The following HS3ST4 variants were observed in gnomAD, a reference collection of about 807,000 sequenced individuals.
HS3ST4 encodes heparan sulfate-glucosamine 3-sulfotransferase 4.
HS3ST4 carries 17 observed loss-of-function variants against 29.2 expected under a neutral mutation model. The ratio of observed to expected loss-of-function variants is 0.58; its 90% CI spans 0.40 to 0.87. The LOEUF (loss-of-function observed/expected upper bound fraction) is 0.87, where lower values mean the gene tolerates loss of function less well. Among genes scored for constraint, HS3ST4 ranks in the 40% least tolerant of loss-of-function variants. HS3ST4 has a pLI of 0.00. For synonymous variants in HS3ST4, 314 were observed against 285.7 expected, an observed-to-expected ratio of 1.10 and a Z score of -1.00; for missense variants, 627 against 634.5, an observed-to-expected ratio of 0.99 and a Z score of 0.13.
chr16:25,718,412 G>A (rs1966472148), intron 1 of HS3ST4, among the ~76,000 whole-genome samples: 1 of 152,040 alleles, frequency 6.6e-6, no homozygotes. Flanking sequence ...GCAAGGATAG[G>A]GTGTCGGAGC....
At chr16:25,944,407 G>T (rs1412432660) in intron 1 of HS3ST4, among the ~76,000 whole-genome samples, 1 of 152,236 alleles carries the variant, frequency 6.6e-6, no homozygotes, top group African/African-American at 2.4e-5. Context: ...CCTGCACATG[G>T]TTGGGGTTGG....
chr16:25,697,132 A>G (rs1255028295), intron 1 of HS3ST4, among the ~76,000 whole-genome samples: 3 of 152,258 alleles, frequency 2.0e-5, no homozygotes, highest in South Asian at 2.1e-4. Context: ...TTTAAAAAAT[A>G]TCTACCATAT....
chr16:25,762,584 C>T (rs543684971), intron 1 of HS3ST4, among the ~76,000 whole-genome samples: 4 of 152,114 alleles, frequency 2.6e-5, no homozygotes, highest in African/African-American at 9.6e-5. Flanking sequence ...GGCATGGTGG[C>T]TCACACCTGC....
chr16:25,936,536 C>G (rs1161186634), intron 1 of HS3ST4, among the ~76,000 whole-genome samples: 1 of 152,170 alleles, frequency 6.6e-6, no homozygotes, highest in Non-Finnish European at 1.5e-5. Context: ...AAAATAAGAT[C>G]TAAGAAGTGT....
At chr16:25,812,579 T>C (rs1401783061) in intron 1 of HS3ST4, among the ~76,000 whole-genome samples, 2 of 152,204 alleles carry the variant, frequency 1.3e-5, no homozygotes, top group Non-Finnish European at 2.9e-5. Context: ...TAAAAATATA[T>C]TAGTAAGAAC....
rs117026270 is a variant in HS3ST4 at position 25,790,606 on chromosome 16, T to A, written c.734+97455T>A. Among the ~76,000 whole-genome samples the A allele has an allele frequency of 2.7e-4, 41 of 152,346 alleles. No homozygotes were observed. In the East Asian group the frequency reaches 4.6e-3, roughly 17 times the overall value. ...CTTTTCCAGTGGTTGTAGTATATCA[T>A]GTGGTTTTAATTTGCATTTCTCTGA... is the stretch of plus-strand genomic sequence containing the variant. On this transcript the variant is annotated intron_variant, in intron 1 of 1. Transcript: ENST00000331351.
chr16:25,735,872 G>A (rs1004215463), intron 1 of HS3ST4, among the ~76,000 whole-genome samples: 3 of 152,188 alleles, frequency 2.0e-5, no homozygotes, highest in African/African-American at 7.2e-5. Flanking sequence ...GCATCAGCCT[G>A]CCTCAGACAA....
At chr16:25,855,463 AAT>A (rs1369607977) in intron 1 of HS3ST4, among the ~76,000 whole-genome samples, 2 of 152,224 alleles carry the variant, frequency 1.3e-5, no homozygotes, top group Admixed American at 6.5e-5. Flanking sequence ...ATGTCAAAGA[AAT>A]ATGTTTTAGA....
Position 26,038,733 on chromosome 16 carries a change from G to A in HS3ST4, c.735-96879G>A, listed in dbSNP as rs1304688953. 2.0e-5 allele frequency among the ~76,000 whole-genome samples: 3 copies of A among 152,060 alleles called. No homozygotes were observed. In the East Asian group the frequency reaches 5.8e-4, roughly 29 times the overall value. On this transcript the variant is annotated intron_variant, in intron 1 of 1. Coordinates refer to ENST00000331351, the MANE Select transcript of HS3ST4 (RefSeq NM_006040.3). Reference sequence around the variant, plus strand: ...CTGGCTCTCAAAATTGTCCAGGCTGGAGTGCAGTGGTGCGATCTCGGCTCA... The same window carrying A: ...CTGGCTCTCAAAATTGTCCAGGCTGAAGTGCAGTGGTGCGATCTCGGCTCA...
At chr16:25,885,596 G>A (rs1283284320) in intron 1 of HS3ST4, among the ~76,000 whole-genome samples, 2 of 151,942 alleles carry the variant, frequency 1.3e-5, no homozygotes, top group Admixed American at 1.3e-4. Flanking sequence ...AACCCTACCT[G>A]TCCCCCAACC....
At chr16:26,126,380 C>A (rs891893512) in intron 1 of HS3ST4, among the ~76,000 whole-genome samples, 22 of 152,190 alleles carry the variant, frequency 1.4e-4, no homozygotes, top group African/African-American at 5.3e-4. Flanking sequence ...ATAATGATAG[C>A]AAACACTTAT....
intron 1 of HS3ST4, among the ~76,000 whole-genome samples, chr16:25,969,977 C>T (rs561570200): frequency 6.6e-6 from 1 of 152,186 alleles, no homozygotes; most frequent in African/African-American, 2.4e-5. Context: ...GAATGCTGCT[C>T]CTAGTGCCTA....
intron 1 of HS3ST4, among the ~76,000 whole-genome samples, chr16:25,853,266 T>C (rs1287889508): frequency 1.3e-5 from 2 of 151,810 alleles, no homozygotes; most frequent in Non-Finnish European, 2.9e-5. Flanking sequence ...TTTCATTAGT[T>C]CTGACAGATT....
chr16:26,093,631 G>T (rs1014450827), intron 1 of HS3ST4, among the ~76,000 whole-genome samples: 1 of 152,154 alleles, frequency 6.6e-6, no homozygotes, highest in African/African-American at 2.4e-5. Flanking sequence ...AAGACCAAAG[G>T]TAGATAAAAC....
chr16:26,051,090 C>A (rs1201328890), intron 1 of HS3ST4, among the ~76,000 whole-genome samples: 1 of 152,042 alleles, frequency 6.6e-6, no homozygotes, highest in Non-Finnish European at 1.5e-5. Context: ...ACAGTGCAGA[C>A]CCTGAGTTTT....
rs192744484 is a variant in HS3ST4, at chr16:25,953,007, A to G, written c.735-182605A>G. ...CATCTGTCACGACTCTGTGTGAGTC[A>G]TCTAGACCTTTTGAGGGCTAGGTTT... On this transcript the variant is annotated intron_variant, in intron 1 of 1. Coordinates refer to ENST00000331351, the MANE Select transcript of HS3ST4 (RefSeq NM_006040.3). 5.3e-5 allele frequency among the ~76,000 whole-genome samples: 8 copies of G among 152,266 alleles called. No homozygotes were observed. The East Asian group carries it at 1.5e-3, about 29-fold the overall frequency.
chr16:25,955,578 A>G (rs548577799), intron 1 of HS3ST4, among the ~76,000 whole-genome samples: 1 of 152,150 alleles, frequency 6.6e-6, no homozygotes, highest in African/African-American at 2.4e-5. Flanking sequence ...TGTGGGCATC[A>G]TGCTAACCCC....
intron 1 of HS3ST4, among the ~76,000 whole-genome samples, chr16:25,784,633 A>C (rs1966855752): frequency 6.6e-6 from 1 of 152,212 alleles, no homozygotes; most frequent in African/African-American, 2.4e-5. Context: ...AGTTCTATGA[A>C]GGCTAAACGA....
intron 1 of HS3ST4, among the ~76,000 whole-genome samples, chr16:26,087,186 A>T (rs1055481935): frequency 6.6e-6 from 1 of 152,212 alleles, no homozygotes; most frequent in Non-Finnish European, 1.5e-5. Context: ...ACTTAGATTT[A>T]TGTAATTTGA....
Sources: allele counts gnomAD v4.1 joint callset (sites outside exome capture counted in the v4.1 genomes callset), GRCh38; gene constraint gnomAD v4.1.1; transcripts MANE v1.5; gene names NCBI Gene and HGNC (gene_info 2026-07-23, HGNC 2026-07-21).